The following SPAG5 variants were observed in gnomAD, a reference collection of about 807,000 sequenced individuals.
SPAG5 encodes sperm-associated antigen 5.
A neutral mutation model predicts 145.4 loss-of-function variants in SPAG5; 99 were observed. The observed-to-expected ratio is 0.68, with a 90% CI of 0.58 to 0.80. The LOEUF (loss-of-function observed/expected upper bound fraction) is 0.80, where lower values mean the gene tolerates loss of function less well. Ranked by LOEUF, SPAG5 falls within the 30% of genes least tolerant of loss-of-function variation. The pLI is 0.00. For synonymous variants in SPAG5, 477 were observed against 525.4 expected (o/e 0.91, Z 1.26); for missense variants, 1,192 against 1,416.0 (o/e 0.84, Z 2.54).
At chr17:28,590,452 ACTCCTGAG>A (rs2070612738) in intron 4 of SPAG5, among the ~76,000 whole-genome samples, 1 of 151,604 alleles carries the variant, frequency 6.6e-6, no homozygotes, top group South Asian at 2.1e-4. Context: ...CTGGTCTTGA[ACTCCTGAG>A]CTCAAGCGAT....
chr17:28,598,389 A>T, intron 2 of SPAG5, 121 bp downstream of exon 2: 1 of 1,233,866 alleles, frequency 8.1e-7, no homozygotes, highest in Non-Finnish European at 1.1e-6. Flanking sequence ...CTGTAAATGG[A>T]TGTCACCGAC....
In SPAG5 at chr17:28,578,254, A is replaced by G; in HGVS notation, c.3393T>C (p.Asn1131=). The G allele has an allele frequency of 1.2e-6, 2 of 1,613,970 alleles. No individual in the cohort carries two copies. The highest frequency in any genetic ancestry group is 2.7e-5 in the African/African-American group (2 of 74,962). Residue 1131 remains asparagine, a synonymous_variant, in exon 22 of 24, where the codon AAT becomes AAC. Transcript: ENST00000321765. ...KLRVMFLEMK[N]EKEKLMIKFQ... ...ACTTGATCATGAGTTTTTCCTTCTC[A>G]TTTTTCATCTCCAGGAACATCACTC...
rs372166122 is a variant in SPAG5, at chr17:28,586,073, A to G, written c.1605+17T>C. On this transcript the variant is annotated intron_variant, in intron 6 of 23. Transcript: ENST00000321765. ...AGTCCCACCACAGGCCTCCACCTCCATCTTCAGGCTGCTTACCTCCTGACT... is the reference window on the plus strand; with the variant it reads ...AGTCCCACCACAGGCCTCCACCTCCGTCTTCAGGCTGCTTACCTCCTGACT... 1.3e-5 allele frequency: 21 copies of G among 1,613,512 alleles called. No homozygotes were observed. The highest frequency in any genetic ancestry group is 1.7e-5 in the Non-Finnish European group (20 of 1,179,554).
rs557947775 is a variant in SPAG5 at position 28,584,043 on chromosome 17, C to T, written c.2413-57G>A. ...AGGGAGAATTTTAGTGCCCTGGGTA[C>T]AGAGGCTTTTTCTAGTTCACAGTCT... On this transcript the variant is annotated intron_variant, in intron 13 of 23. Transcript: ENST00000321765. 2.7e-5 allele frequency: 43 copies of T among 1,610,408 alleles called. No individual in the cohort carries two copies. The South Asian group carries it at 4.7e-4, about 18-fold the overall frequency.
At chr17:28,579,003 C>G (rs1006023909) in intron 19 of SPAG5, 138 bp downstream of exon 19, 1 of 739,618 alleles carries the variant, frequency 1.4e-6, no homozygotes, top group South Asian at 1.8e-5. Flanking sequence ...TGTGAAATGT[C>G]TGACCCCAGG....
Position 28,592,146 on chromosome 17 carries a change from G to A in SPAG5, c.1098C>T (p.Pro366=). Residue 366 remains proline (P), a synonymous_variant, in exon 3 of 24, where the codon CCC becomes CCT. Coordinates refer to ENST00000321765, the MANE Select transcript of SPAG5 (RefSeq NM_006461.4). The part of the protein sequence containing the change: ...LENLRQSLSL[P]SMLRDAAIGT... ...CAATTGCAGCATCCCGAAGCATCGA[G>A]GGAAGGGATAAGCTTTGGCGGAGAT... 1 of 1,614,134 alleles carries A rather than the reference G, an allele frequency of 6.2e-7. No individual in the cohort carries two copies. Among genetic ancestry groups the A allele is most frequent in the Non-Finnish European group, 8.5e-7 (1 of 1,180,030 alleles).
At chr17:28,598,318 T>TAAAAAC in intron 2 of SPAG5, 192 bp downstream of exon 2, 1 of 569,336 alleles carries the variant, frequency 1.8e-6, no homozygotes, top group Non-Finnish European at 3.0e-6. Context: ...TAAACAGAGA[T>TAAAAAC]TCAAGTTCTC....
chr17:28,587,770 A>G (rs1470856611), intron 4 of SPAG5, among the ~76,000 whole-genome samples: 1 of 152,030 alleles, frequency 6.6e-6, no homozygotes. Context: ...CTGCAGATAA[A>G]TAGAGTATGC....
chr17:28,594,370 C>T (rs966126469), intron 2 of SPAG5, among the ~76,000 whole-genome samples: 23 of 151,942 alleles, frequency 1.5e-4, no homozygotes, highest in Non-Finnish European at 2.1e-4. Flanking sequence ...CTGAGGCGGG[C>T]GGATCACGAG....
Position 28,591,870 on chromosome 17 carries a change from C to T in SPAG5, c.1265G>A (p.Arg422Gln), listed in dbSNP as rs760339567. The T allele has an allele frequency of 6.2e-6, 10 of 1,612,946 alleles. No individual in the cohort carries two copies. Among genetic ancestry groups the T allele is most frequent in the South Asian group, 3.3e-5 (3 of 91,044 alleles). Residue 422 changes from arginine to glutamine, a missense_variant and splice_region_variant, in exon 4 of 24, where the codon CGG becomes CAG. Physicochemically the swap from Arg to Gln is conservative, Grantham distance 43. Transcript: ENST00000321765. ...AGACAAGGCAGTCAGATCTGGAGGC[C>T]GGCTGCAGCAGAAAGAGAAGAACAT... ...TSETEQLLCG[R>Q]PPDLTALSRH...
At chr17:28,596,081 C>T (rs764069051) in intron 2 of SPAG5, among the ~76,000 whole-genome samples, 5 of 150,548 alleles carry the variant, frequency 3.3e-5, no homozygotes, top group Non-Finnish European at 7.4e-5. Context: ...TGGCACACAC[C>T]GTAATCCCAG....
intron 2 of SPAG5, among the ~76,000 whole-genome samples, chr17:28,595,417 A>C (rs532564435): frequency 6.5e-4 from 99 of 152,274 alleles, no homozygotes; most frequent in African/African-American, 2.3e-3. Flanking sequence ...TATATATTCA[A>C]ATGCTTCAAA....
chr17:28,587,018 G>C (rs1056667473), intron 4 of SPAG5, among the ~76,000 whole-genome samples: 42 of 152,088 alleles, frequency 2.8e-4, no homozygotes, highest in Admixed American at 3.9e-4. Context: ...GACTTCCAAA[G>C]TGCTCCTGCC....
At position 28,592,136 on chromosome 17, in the gene SPAG5, G is replaced by C; in HGVS notation, c.1108C>G (p.Arg370Gly). The change falls in exon 3 of 24, where the codon CGG (arginine) becomes GGG (glycine). Residue 370 changes from arginine (R) to glycine (G), a missense_variant. By Grantham distance (125) the Arg-to-Gly change is moderately radical (BLOSUM62 -2). Coordinates refer to ENST00000321765, the MANE Select transcript of SPAG5 (RefSeq NM_006461.4). Reference sequence around the variant, plus strand: ...GGGGTAGTGCCAATTGCAGCATCCCGAAGCATCGAGGGAAGGGATAAGCTT... The same window carrying C: ...GGGGTAGTGCCAATTGCAGCATCCCCAAGCATCGAGGGAAGGGATAAGCTT... The part of the protein sequence containing the change: ...RQSLSLPSML[R>G]DAAIGTTPFS... 1 of 1,614,124 alleles carries C rather than the reference G, an allele frequency of 6.2e-7. No individual in the cohort carries two copies. The highest frequency in any genetic ancestry group is 1.1e-5 in the South Asian group (1 of 91,058).
intron 16 of SPAG5, 43 bp from the exon 17 acceptor site, chr17:28,579,880 C>G: frequency 6.3e-7 from 1 of 1,588,128 alleles, no homozygotes; most frequent in Non-Finnish European, 8.6e-7. Flanking sequence ...CTCTGATGAT[C>G]CAGGCAGGGG....
chr17:28,589,213 C>T (rs1201024587), intron 4 of SPAG5, among the ~76,000 whole-genome samples: 1 of 152,022 alleles, frequency 6.6e-6, no homozygotes, highest in East Asian at 1.9e-4. Flanking sequence ...ATTCTCATGC[C>T]TCAGCCTCCC....
Position 28,588,709 on chromosome 17 carries a change from G to T in SPAG5, c.1438-2210C>A, listed in dbSNP as rs2070601246. Among the ~76,000 whole-genome samples the T allele has an allele frequency of 2.0e-5, 3 of 152,094 alleles. No homozygotes were observed. In the South Asian group the frequency reaches 6.2e-4, roughly 32 times the overall value. On this transcript the variant is annotated intron_variant, in intron 4 of 23. Coordinates refer to ENST00000321765, the MANE Select transcript of SPAG5 (RefSeq NM_006461.4). Reference sequence around the variant, plus strand: ...ATTGTTGTTGTTGTTGTTTGAGACAGCCTCACTCTGTTGCCCAGGCTAGAG... The same window carrying T: ...ATTGTTGTTGTTGTTGTTTGAGACATCCTCACTCTGTTGCCCAGGCTAGAG...
chr17:28,589,246 C>CA (rs2070605137), intron 4 of SPAG5, among the ~76,000 whole-genome samples: 1 of 151,778 alleles, frequency 6.6e-6, no homozygotes, highest in Non-Finnish European at 1.5e-5. Flanking sequence ...TTACAGGTGC[C>CA]CTCCACCACA....
Position 28,584,723 on chromosome 17 carries a change from A to G in SPAG5, c.2090T>C (p.Val697Ala). The G allele has an allele frequency of 6.2e-7, 1 of 1,614,012 alleles. No individual in the cohort carries two copies. ...TTTGCACTCCTCTAACTGGGCAGAG[A>G]CTTGTTCCAGCACCCTAGAAACCTA... ...KQEVSRVLEQ[V>A]SAQLEECKGQ... Residue 697 changes from valine (V) to alanine (A), a missense_variant, in exon 11 of 24, where the codon GTC becomes GCC. By Grantham distance (64) the Val-to-Ala change is moderately conservative. Around this residue, in one of 5 missense-constraint regions of SPAG5, gnomAD observed 709 missense variants for 840.7 expected, o/e 0.84. Transcript: ENST00000321765.
Sources: gnomAD v4.1 joint callset for allele counts (sites outside exome capture counted in the v4.1 genomes callset) on GRCh38, gnomAD v4.1.1 for gene constraint, gnomAD v4.1.1 regional missense constraint, MANE v1.5 for transcripts, NCBI Gene and HGNC (gene_info 2026-07-23, HGNC 2026-07-21) for gene names.